PRKG2: variants seen among roughly 807,000 people sequenced by gnomAD.
PRKG2 encodes protein kinase cGMP-dependent 2.
In PRKG2, 33 loss-of-function variants were observed where a neutral mutation model predicts 97.2. The ratio of observed to expected loss-of-function variants is 0.34; its 90% CI spans 0.26 to 0.45. The LOEUF (loss-of-function observed/expected upper bound fraction) is 0.45. Ranked by LOEUF, PRKG2 falls within the 20% of genes least tolerant of loss-of-function variation. The pLI is 1.00. For missense variants in PRKG2, 638 were observed against 900.0 expected (o/e 0.71, Z 3.73); for synonymous variants, 330 against 321.8 (o/e 1.03, Z -0.27).
intron 2 of PRKG2, among the ~76,000 whole-genome samples, chr4:81,199,655 A>G (rs1753180380): frequency 6.6e-6 from 1 of 152,230 alleles, no homozygotes; most frequent in Non-Finnish European, 1.5e-5. Flanking sequence ...TGACTGGCAC[A>G]TAATTAGTGG....
rs1743654398 is a variant in PRKG2 at position 81,109,155 on chromosome 4, TGAAAATAATTACAGACAATA to T, written c.1940+1273_1940+1292del. 3.9e-5 allele frequency among the ~76,000 whole-genome samples: 6 copies of T among 152,202 alleles called. No homozygotes were observed. In the South Asian group the frequency reaches 1.2e-3, roughly 31 times the overall value. On this transcript the variant is annotated intron_variant, in intron 15 of 18. Coordinates refer to ENST00000264399, the MANE Select transcript of PRKG2 (RefSeq NM_006259.3). ...TTCAGAATCTTAAGCAATGAATATT[TGAAAATAATTACAGACAATA>T]TAAAATGGTCTTTCATATTTGTTTG...
intron 6 of PRKG2, among the ~76,000 whole-genome samples, chr4:81,158,730 G>A (rs1281868783): frequency 6.6e-6 from 1 of 152,072 alleles, no homozygotes; most frequent in Non-Finnish European, 1.5e-5. Context: ...AAACAGCATG[G>A]TGCTGGTACC....
At chr4:81,135,336 A>C (rs1434482154) in intron 13 of PRKG2, 40 bp from the exon 14 acceptor site, 1 of 1,596,854 alleles carries the variant, frequency 6.3e-7, no homozygotes. Context: ...CTTTGGATAC[A>C]CATCTTTGGT....
chr4:81,131,075 C>T lies in PRKG2; in HGVS notation c.1776+4080G>A, dbSNP rs150490081. Among the ~76,000 whole-genome samples the T allele has an allele frequency of 7.9e-5, 12 of 152,290 alleles. No individual in the cohort carries two copies. In the East Asian group the frequency reaches 2.3e-3, roughly 29 times the overall value. ...GCTAGCTCAGTGTCTGCCCAAACGG[C>T]CACCCAGTTTTGTGTTTGAAACCCA... On this transcript the variant is annotated intron_variant, in intron 14 of 18. Coordinates refer to ENST00000264399, the MANE Select transcript of PRKG2 (RefSeq NM_006259.3).
Position 81,168,348 on chromosome 4 carries a change from A to G in PRKG2, c.849-1124T>C, listed in dbSNP as rs1299003523. Among the ~76,000 whole-genome samples the G allele has an allele frequency of 3.9e-5, 6 of 152,258 alleles. No individual in the cohort carries two copies. The East Asian group carries it at 1.2e-3, about 29-fold the overall frequency. On this transcript the variant is annotated intron_variant, in intron 5 of 18. Coordinates refer to ENST00000264399, the MANE Select transcript of PRKG2 (RefSeq NM_006259.3). ...CAACAATATTTAGTGCCTGCTAATA[A>G]GTATTAGTTGAATGAAGGAAACAAC...
chr4:81,167,708 CT>C (rs1750109876), intron 5 of PRKG2, among the ~76,000 whole-genome samples: 1 of 151,982 alleles, frequency 6.6e-6, no homozygotes, highest in Admixed American at 6.6e-5. Context: ...GAAATGATCT[CT>C]GATTATTAGT....
intron 10 of PRKG2, among the ~76,000 whole-genome samples, 160 bp downstream of exon 10, chr4:81,144,072 G>T (rs187691145): frequency 1.3e-5 from 2 of 152,232 alleles, no homozygotes; most frequent in East Asian, 3.9e-4. Context: ...AGTGGAAGTG[G>T]TGTTGTCTTT....
At chr4:81,155,176 T>C (rs1433865888) in intron 6 of PRKG2, among the ~76,000 whole-genome samples, 1 of 64,950 alleles carries the variant, frequency 1.5e-5, no homozygotes, top group Admixed American at 1.4e-4. Flanking sequence ...AGACTCCGTC[T>C]CAAAAAAAAA....
intron 9 of PRKG2, among the ~76,000 whole-genome samples, chr4:81,147,554 C>T (rs1747975541): frequency 6.6e-6 from 1 of 152,118 alleles, no homozygotes; most frequent in Non-Finnish European, 1.5e-5. Context: ...AATCCCTTTT[C>T]CACACCTAAA....
In PRKG2 at chr4:81,137,453, T is replaced by C. The variant is rs143281279; in HGVS notation, c.1574A>G (p.Tyr525Cys). The change falls in exon 13 of 19, where the codon TAT becomes TGT. Residue 525 changes from tyrosine to cysteine, a missense_variant. By Grantham distance (194) the Tyr-to-Cys change is radical. This residue lies in a region of PRKG2 where 304 missense variants were observed against 460.5 expected (regional missense o/e 0.66). Coordinates refer to ENST00000264399, the MANE Select transcript of PRKG2 (RefSeq NM_006259.3). ...KLYRTFKDNKYVYMLLEACLG... is the reference protein window; with the variant it reads ...KLYRTFKDNKCVYMLLEACLG... ...GCAGGCCTCCAGAAGCATGTATACA[T>C]ACTTATTGTCCTTGAAAGTACGATA... 27 of 1,612,162 alleles carry C rather than the reference T, an allele frequency of 1.7e-5. No homozygotes were observed. The highest frequency in any genetic ancestry group is 5.5e-5 in the South Asian group (5 of 91,034).
chr4:81,100,535 CT>C (rs1742634575), intron 17 of PRKG2, among the ~76,000 whole-genome samples: 1 of 152,126 alleles, frequency 6.6e-6, no homozygotes, highest in African/African-American at 2.4e-5. Context: ...AACTGGATCC[CT>C]TCCTTACACC....
At chr4:81,159,239 A>G (rs887835635) in intron 6 of PRKG2, among the ~76,000 whole-genome samples, 1 of 152,186 alleles carries the variant, frequency 6.6e-6, no homozygotes, top group African/African-American at 2.4e-5. Context: ...TCCAGAATCT[A>G]CAATGAACTC....
At chr4:81,154,585 A>C (rs1223093083) in intron 6 of PRKG2, among the ~76,000 whole-genome samples, 13 of 147,722 alleles carry the variant, frequency 8.8e-5, no homozygotes, top group East Asian at 2.0e-4. Context: ...AAACTAACAA[A>C]CAGAAAGGAC....
At chr4:81,177,358 T>C (rs1751021640) in intron 2 of PRKG2, among the ~76,000 whole-genome samples, 1 of 152,232 alleles carries the variant, frequency 6.6e-6, no homozygotes, top group South Asian at 2.1e-4. Flanking sequence ...AAATTATCTC[T>C]ATGAATTTTT....
rs1232948747 is a variant in PRKG2 at position 81,204,584 on chromosome 4, T to A, written c.461+3A>T. 1.3e-5 allele frequency: 21 copies of A among 1,610,520 alleles called. No individual in the cohort carries two copies. Among genetic ancestry groups the A allele is most frequent in the Non-Finnish European group, 1.7e-5 (20 of 1,178,566 alleles). Reference sequence around the variant, plus strand: ...GAGTTTAAAGGATGCGGAAATTTCTTACCTGGAGTCTTTTCTGACTCTTGC... The same window carrying A: ...GAGTTTAAAGGATGCGGAAATTTCTAACCTGGAGTCTTTTCTGACTCTTGC... On this transcript the variant is annotated splice_donor_region_variant and intron_variant, in intron 2 of 18. Coordinates refer to ENST00000264399, the MANE Select transcript of PRKG2 (RefSeq NM_006259.3).
chr4:81,155,155 G>A (rs1248745828), intron 6 of PRKG2, among the ~76,000 whole-genome samples: 2 of 124,532 alleles, frequency 1.6e-5, no homozygotes, highest in African/African-American at 7.8e-5. Context: ...TCCAGCCTGG[G>A]CGACAGAGCG....
chr4:81,160,847 G>A (rs945561123), intron 6 of PRKG2, among the ~76,000 whole-genome samples: 1 of 152,098 alleles, frequency 6.6e-6, no homozygotes, highest in Non-Finnish European at 1.5e-5. Flanking sequence ...CAGACCAAAA[G>A]AGCGACTAAA....
rs1442287833 is a variant in PRKG2 at position 81,153,637 on chromosome 4, T to C, written c.990+7A>G. 2 of 1,561,638 alleles carry C rather than the reference T, an allele frequency of 1.3e-6. No individual in the cohort carries two copies. Among genetic ancestry groups the C allele is most frequent in the Middle Eastern group, 1.7e-4 (1 of 5,904 alleles). On this transcript the variant is annotated splice_region_variant and intron_variant, in intron 7 of 18. Transcript: ENST00000264399. Reference sequence around the variant, plus strand: ...TTTTTATTTAGTAAGTTTTAATTAATAGTTACCTTTCCTTTTGCCAAAATG... The same window carrying C: ...TTTTTATTTAGTAAGTTTTAATTAACAGTTACCTTTCCTTTTGCCAAAATG...
chr4:81,190,004 A>C (rs1009966267), intron 2 of PRKG2, among the ~76,000 whole-genome samples: 12 of 152,226 alleles, frequency 7.9e-5, no homozygotes, highest in Admixed American at 2.6e-4. Context: ...CATACTGCCC[A>C]AAGTAATTTA....
Sources: allele counts gnomAD v4.1 joint callset (sites outside exome capture counted in the v4.1 genomes callset), GRCh38; gene constraint gnomAD v4.1.1; regional missense constraint gnomAD v4.1.1; transcripts MANE v1.5; gene names NCBI Gene and HGNC (gene_info 2026-07-23, HGNC 2026-07-21).